The following PHF20 variants were observed in gnomAD, a reference collection of about 807,000 sequenced individuals.
PHF20 encodes the protein PHD finger protein 20.
In PHF20, 23 loss-of-function variants were observed where a neutral mutation model predicts 113.5. The observed-to-expected ratio is 0.20, with a 90% CI of 0.15 to 0.29. The LOEUF (loss-of-function observed/expected upper bound fraction) is 0.29. PHF20 is among the 10% of genes least tolerant of loss of function. The pLI is 1.00. For missense variants in PHF20, 943 were observed against 1,219.6 expected, an observed-to-expected ratio of 0.77 and a Z score of 3.38; for synonymous variants, 434 against 457.3, an observed-to-expected ratio of 0.95 and a Z score of 0.65.
chr20:35,794,490 C>G (rs2041629138), intron 1 of PHF20, among the ~76,000 whole-genome samples: 1 of 152,080 alleles, frequency 6.6e-6, no homozygotes, highest in South Asian at 2.1e-4. Flanking sequence ...TTAAGCTGGT[C>G]TTTCACCTGA....
chr20:35,813,702 A>G, intron 2 of PHF20, among the ~76,000 whole-genome samples: 1 of 152,116 alleles, frequency 6.6e-6, no homozygotes, highest in East Asian at 1.9e-4. Context: ...TACGAAAAAT[A>G]CAAAAATTAG....
At chr20:35,778,922 T>A (rs1482043651) in intron 1 of PHF20, among the ~76,000 whole-genome samples, 1 of 152,100 alleles carries the variant, frequency 6.6e-6, no homozygotes, top group Non-Finnish European at 1.5e-5. Context: ...AGTGACTAAA[T>A]GTAAATAGGA....
chr20:35,794,155 G>T (rs1379591898), intron 1 of PHF20, among the ~76,000 whole-genome samples: 1 of 151,844 alleles, frequency 6.6e-6, no homozygotes, highest in Admixed American at 6.6e-5. Flanking sequence ...ACAAAAATTA[G>T]CCAGGCGTGG....
intron 2 of PHF20, 137 bp downstream of exon 2, chr20:35,801,742 T>G (rs2041785554): frequency 3.3e-6 from 2 of 603,246 alleles, no homozygotes; most frequent in Non-Finnish European, 3.0e-6. Context: ...AATGTCAGTC[T>G]TTTCTCTTTG....
At chr20:35,937,543 A>G (rs983377626) in intron 15 of PHF20, among the ~76,000 whole-genome samples, 1 of 152,052 alleles carries the variant, frequency 6.6e-6, no homozygotes, top group Non-Finnish European at 1.5e-5. Flanking sequence ...GGTTCTTACC[A>G]TGTAGATGAA....
Position 35,847,358 on chromosome 20 carries a change from A to G in PHF20, c.264A>G (p.Gln88=). ...TTTTTTATGTTTTTTAGGAATTTCAAATAAATGAGCAGGTCCTTGCTTGCT... is the reference window on the plus strand; with the variant it reads ...TTTTTTATGTTTTTTAGGAATTTCAGATAAATGAGCAGGTCCTTGCTTGCT... ...LHEEDGSSEF[Q]INEQVLACWS... Residue 88 remains glutamine, a synonymous_variant, in exon 4 of 18, where the codon CAA becomes CAG. Coordinates refer to ENST00000374012, the MANE Select transcript of PHF20 (RefSeq NM_016436.5). The G allele has an allele frequency of 6.3e-7, 1 of 1,599,740 alleles. No individual in the cohort carries two copies. The highest frequency in any genetic ancestry group is 8.5e-7 in the Non-Finnish European group (1 of 1,174,228).
intron 1 of PHF20, among the ~76,000 whole-genome samples, chr20:35,779,530 T>C (rs1228868636): frequency 6.6e-6 from 1 of 151,754 alleles, no homozygotes; most frequent in East Asian, 1.9e-4. Flanking sequence ...TCTTTCTTTT[T>C]TTTTTTTTGT....
intron 2 of PHF20, among the ~76,000 whole-genome samples, chr20:35,842,032 C>T (rs1021222858): frequency 6.6e-6 from 1 of 152,060 alleles, no homozygotes; most frequent in African/African-American, 2.4e-5. Flanking sequence ...GGAACTCAGG[C>T]TCTGAAAGTT....
intron 4 of PHF20, among the ~76,000 whole-genome samples, chr20:35,847,748 A>C (rs925384871): frequency 1.3e-5 from 2 of 152,180 alleles, no homozygotes; most frequent in African/African-American, 4.8e-5. Flanking sequence ...AATTGATGAC[A>C]TAGTCCTGAA....
intron 2 of PHF20, among the ~76,000 whole-genome samples, chr20:35,826,245 T>C (rs968744675): frequency 6.6e-6 from 1 of 152,160 alleles, no homozygotes; most frequent in Non-Finnish European, 1.5e-5. Context: ...GGTTTCGCCA[T>C]GTTGGCCAGG....
At chr20:35,945,998 C>T (rs1445418999) in intron 17 of PHF20, among the ~76,000 whole-genome samples, 1 of 151,070 alleles carries the variant, frequency 6.6e-6, no homozygotes, top group Non-Finnish European at 1.5e-5. Context: ...GATGAAACCC[C>T]ATCTCTACTA....
At chr20:35,877,958 A>G (rs1252918714) in intron 9 of PHF20, among the ~76,000 whole-genome samples, 1 of 152,232 alleles carries the variant, frequency 6.6e-6, no homozygotes, top group Non-Finnish European at 1.5e-5. Flanking sequence ...TTATAAATTA[A>G]CTAGTTAAGA....
chr20:35,871,861 T>G, intron 9 of PHF20, 32 bp downstream of exon 9: 2 of 1,491,040 alleles, frequency 1.3e-6, no homozygotes, highest in Non-Finnish European at 1.8e-6. Context: ...AATCCTCTTT[T>G]TATATACACT....
At chr20:35,923,518 A>G (rs560238619) in intron 13 of PHF20, among the ~76,000 whole-genome samples, 3 of 152,210 alleles carry the variant, frequency 2.0e-5, no homozygotes, top group Non-Finnish European at 4.4e-5. Context: ...TAAAATTCAT[A>G]TTATTTGTTG....
At chr20:35,785,310 T>G (rs79966869) in intron 1 of PHF20, among the ~76,000 whole-genome samples, 7,283 of 152,000 alleles carry the variant, frequency 0.048, 213 homozygotes, top group African/African-American at 0.089. Context: ...TAAAGGAAAA[T>G]GGACTTTTAT....
At chr20:35,897,843 A>G (rs1266067506) in intron 9 of PHF20, among the ~76,000 whole-genome samples, 4 of 150,846 alleles carry the variant, frequency 2.7e-5, no homozygotes, top group African/African-American at 9.8e-5. Context: ...CTGGGATTAC[A>G]GGTGTGAGCC....
intron 2 of PHF20, among the ~76,000 whole-genome samples, chr20:35,813,128 C>T (rs8122587): frequency 0.13 from 20,295 of 151,996 alleles, 1,433 homozygotes; most frequent in African/African-American, 0.19. Context: ...CCACCACGCC[C>T]GGCTAATTTT....
At chr20:35,858,633 C>T (rs985270475) in intron 5 of PHF20, among the ~76,000 whole-genome samples, 5 of 152,164 alleles carry the variant, frequency 3.3e-5, no homozygotes, top group African/African-American at 7.2e-5. Context: ...TACAATGGTG[C>T]GATCTTGGCT....
intron 15 of PHF20, among the ~76,000 whole-genome samples, chr20:35,937,906 C>A (rs1197571349): frequency 6.6e-6 from 1 of 151,758 alleles, no homozygotes; most frequent in Non-Finnish European, 1.5e-5. Flanking sequence ...CGGAGTCTTG[C>A]TGTCGCCCAG....
Sources: gnomAD v4.1 joint callset for allele counts (sites outside exome capture counted in the v4.1 genomes callset) on GRCh38, gnomAD v4.1.1 for gene constraint, MANE v1.5 for transcripts, NCBI Gene and HGNC (gene_info 2026-07-23, HGNC 2026-07-21) for gene names.